The following MAML2 variants were observed in gnomAD, a reference collection of about 807,000 sequenced individuals.
MAML2 encodes mastermind-like protein 2.
Under a neutral mutation model 96.1 loss-of-function variants are expected in MAML2, and 22 were observed. The ratio of observed to expected loss-of-function variants is 0.23; its 90% CI spans 0.16 to 0.33. MAML2 has a LOEUF of 0.33. MAML2 is among the 10% of genes least tolerant of loss of function. The pLI, the probability that MAML2 is intolerant of heterozygous loss-of-function variation, is 1.00. For synonymous variants in MAML2, 561 were observed against 521.3 expected (o/e 1.08, Z -1.04); for missense variants, 1,367 against 1,392.4 (o/e 0.98, Z 0.29).
intron 1 of MAML2, among the ~76,000 whole-genome samples, chr11:96,302,502 CAAGA>C (rs1863399192): frequency 1.3e-5 from 2 of 152,032 alleles, no homozygotes; most frequent in Non-Finnish European, 2.9e-5. Context: ...GCATAGGATC[CAAGA>C]CATACTAAAG....
intron 2 of MAML2, among the ~76,000 whole-genome samples, chr11:96,091,070 G>GA (rs1223738375): frequency 6.6e-6 from 1 of 152,188 alleles, no homozygotes; most frequent in Non-Finnish European, 1.5e-5. Context: ...ATGTGCTCTG[G>GA]AGGCACAGAG....
intron 2 of MAML2, among the ~76,000 whole-genome samples, chr11:96,049,596 C>A (rs1454154558): frequency 6.6e-6 from 1 of 152,128 alleles, no homozygotes; most frequent in African/African-American, 2.4e-5. Context: ...AGCTGAGCGA[C>A]CGTGGGCAAG....
chr11:96,192,756 C>T (rs537823846), intron 1 of MAML2, among the ~76,000 whole-genome samples: 46 of 152,216 alleles, frequency 3.0e-4, no homozygotes, highest in African/African-American at 9.4e-4. Context: ...AAGGGCAGGC[C>T]GGTTATCTAT....
At chr11:96,168,061 A>G (rs1861221115) in intron 1 of MAML2, among the ~76,000 whole-genome samples, 1 of 152,234 alleles carries the variant, frequency 6.6e-6, no homozygotes, top group Non-Finnish European at 1.5e-5. Flanking sequence ...TATATCATAT[A>G]GTAGTTAAGC....
At chr11:96,110,023 C>T (rs1217589850) in intron 1 of MAML2, among the ~76,000 whole-genome samples, 1 of 151,818 alleles carries the variant, frequency 6.6e-6, no homozygotes, top group Non-Finnish European at 1.5e-5. Context: ...AAGAGCTGAA[C>T]GATTATGAAA....
intron 2 of MAML2, among the ~76,000 whole-genome samples, chr11:96,047,843 C>T (rs111951163): frequency 6.9e-5 from 9 of 129,844 alleles, no homozygotes; most frequent in South Asian, 5.0e-4. Context: ...ACCCAGGAGG[C>T]GGAGGTTGCA....
chr11:96,170,084 G>T (rs1861260544), intron 1 of MAML2, among the ~76,000 whole-genome samples: 1 of 152,206 alleles, frequency 6.6e-6, no homozygotes, highest in Admixed American at 6.5e-5. Flanking sequence ...GAGGATACAG[G>T]TTCAGAGAAT....
intron 2 of MAML2, 50 bp downstream of exon 2, chr11:96,091,841 CA>C: frequency 6.4e-7 from 1 of 1,567,788 alleles, no homozygotes; most frequent in Non-Finnish European, 8.6e-7. Context: ...GCATAAAGAT[CA>C]AGCTAAATGG....
chr11:96,120,029 C>T (rs998331681), intron 1 of MAML2, among the ~76,000 whole-genome samples: 6 of 150,202 alleles, frequency 4.0e-5, no homozygotes, highest in African/African-American at 1.5e-4. Flanking sequence ...ACGATCTCAG[C>T]TCACTGCAAG....
chr11:96,083,154 G>GC (rs926500597), intron 2 of MAML2, among the ~76,000 whole-genome samples: 8 of 152,190 alleles, frequency 5.3e-5, no homozygotes, highest in African/African-American at 1.9e-4. Flanking sequence ...GGTAGGAGCT[G>GC]CCCCCCTCCA....
At chr11:96,077,326 T>C (rs2135794749) in intron 2 of MAML2, among the ~76,000 whole-genome samples, 1 of 148,564 alleles carries the variant, frequency 6.7e-6, no homozygotes, top group Non-Finnish European at 1.5e-5. Context: ...GTTCAAGTGA[T>C]TTTCCTGCCC....
intron 3 of MAML2, among the ~76,000 whole-genome samples, chr11:95,989,007 A>T (rs1857869669): frequency 6.6e-6 from 1 of 152,324 alleles, no homozygotes; most frequent in Middle Eastern, 3.4e-3. Context: ...ATTTCTATTT[A>T]ATTCTGTGAA....
chr11:96,126,045 G>GA (rs1236113324), intron 1 of MAML2, among the ~76,000 whole-genome samples: 8 of 152,186 alleles, frequency 5.3e-5, no homozygotes, highest in African/African-American at 1.9e-4. Context: ...GGTACACCAG[G>GA]AAAAAGCTTT....
chr11:96,322,992 G>A (rs779331109), intron 1 of MAML2, among the ~76,000 whole-genome samples: 1 of 151,930 alleles, frequency 6.6e-6, no homozygotes, highest in Non-Finnish European at 1.5e-5. Context: ...TGTGGAATGC[G>A]TCCACACTGA....
At chr11:96,151,454 C>T (rs969103982) in intron 1 of MAML2, among the ~76,000 whole-genome samples, 3 of 152,192 alleles carry the variant, frequency 2.0e-5, no homozygotes, top group East Asian at 1.9e-4. Context: ...CTCATATAAC[C>T]GGCCCTTGAT....
In MAML2 at chr11:96,342,884, T is replaced by C; in HGVS notation, c.-989A>G. ...GAGAGACAAACTCTTCCGAGAGTAA[T>C]TTACAAACGATGGTCAAACTTACAA... is the stretch of plus-strand genomic sequence containing the variant. On this transcript the variant is annotated 5_prime_UTR_variant, in exon 1 of 5. Coordinates refer to ENST00000524717, the MANE Select transcript of MAML2 (RefSeq NM_032427.4). The C allele has an allele frequency of 2.8e-6, 1 of 358,882 alleles. No individual in the cohort carries two copies. Among genetic ancestry groups the C allele is most frequent in the Non-Finnish European group, 5.0e-6 (1 of 201,332 alleles). 22.2% of individuals were successfully genotyped at this position (358,882 alleles called of 1,614,324 possible).
At chr11:96,274,207 C>T (rs1463482769) in intron 1 of MAML2, among the ~76,000 whole-genome samples, 2 of 149,942 alleles carry the variant, frequency 1.3e-5, no homozygotes, top group Non-Finnish European at 3.0e-5. Context: ...GTGAGCCTTT[C>T]TGCTAGCTGG....
At chr11:96,045,610 C>T (rs764320088) in intron 2 of MAML2, among the ~76,000 whole-genome samples, 34 of 152,108 alleles carry the variant, frequency 2.2e-4, no homozygotes, top group Non-Finnish European at 3.7e-4. Flanking sequence ...TAGAAAGTAA[C>T]GTTTGGGCTG....
intron 2 of MAML2, among the ~76,000 whole-genome samples, chr11:96,066,625 G>A (rs1035074026): frequency 6.6e-6 from 1 of 151,592 alleles, no homozygotes. Context: ...ATAATAAAGA[G>A]TAGGATGAAA....
Sources: allele counts gnomAD v4.1 joint callset (sites outside exome capture counted in the v4.1 genomes callset), GRCh38; gene constraint gnomAD v4.1.1; transcripts MANE v1.5; gene names NCBI Gene and HGNC (gene_info 2026-07-23, HGNC 2026-07-21).